Variants in IRAG1 observed in about 807,000 individuals in gnomAD.
IRAG1 encodes the protein IP3R-associated cGMP kinase substrate.
IRAG1 carries 62 observed loss-of-function variants against 106.2 expected under a neutral mutation model. That is an observed-to-expected ratio of 0.58 (90% confidence interval 0.48 to 0.72). IRAG1 has a LOEUF of 0.72. IRAG1 is among the 30% of genes least tolerant of loss of function. IRAG1 has a pLI of 0.00. For missense variants in IRAG1, 1,064 were observed against 1,140.7 expected (o/e 0.93, Z 0.97); for synonymous variants, 462 against 443.9 (o/e 1.04, Z -0.51).
rs577999478 is a variant in IRAG1 at position 10,665,527 on chromosome 11, C to T, written c.68-13345G>A. ...TTCAAACATCATTACTTCCTGGGGG[C>T]GACCACTCCACCTACCTATCCCTCA... is the stretch of plus-strand genomic sequence containing the variant. On this transcript the variant is annotated intron_variant, in intron 1 of 20. Transcript: ENST00000423302. The surrounding 1 kb of genome is among the most constrained non-coding windows in gnomAD (Gnocchi z 4.2). Among the ~76,000 whole-genome samples the T allele has an allele frequency of 4.6e-5, 7 of 152,186 alleles. No individual in the cohort carries two copies. Among genetic ancestry groups the T allele is most frequent in the Admixed American group, 1.3e-4 (2 of 15,282 alleles).
At chr11:10,639,649 C>T (rs1857378322) in intron 2 of IRAG1, among the ~76,000 whole-genome samples, 1 of 152,256 alleles carries the variant, frequency 6.6e-6, no homozygotes, top group Admixed American at 6.5e-5. Context: ...TGACTCTTCC[C>T]CTGCTTGCCT....
intron 4 of IRAG1, 23 bp downstream of exon 4, chr11:10,631,968 C>T (rs763898456): frequency 6.2e-7 from 1 of 1,608,202 alleles, no homozygotes; most frequent in Non-Finnish European, 8.5e-7. Context: ...ACTCAACATG[C>T]CTTAGATTGC....
Position 10,593,585 on chromosome 11 carries a change from C to T in IRAG1, c.2082G>A (p.Arg694=). The change falls in exon 17 of 21, where the codon CGG becomes CGA. Residue 694 remains arginine, a synonymous_variant. Coordinates refer to ENST00000423302, the MANE Select transcript of IRAG1 (RefSeq NM_130385.4). ...SLTLGKNMPR[R]RVSVAVVPKF... ...TAGGAACCACAGCAACGCTGACCCT[C>T]CGGCGAGGCATATTCTGCAGGAAGA... 3 of 1,613,718 alleles carry T rather than the reference C, an allele frequency of 1.9e-6. No individual in the cohort carries two copies. The highest frequency in any genetic ancestry group is 2.5e-6 in the Non-Finnish European group (3 of 1,179,674).
chr11:10,599,533 G>A (rs1053351351), intron 15 of IRAG1, among the ~76,000 whole-genome samples: 3 of 152,164 alleles, frequency 2.0e-5, no homozygotes, highest in African/African-American at 7.2e-5. Context: ...TGACAGTCTG[G>A]AGCATGTGTG....
At position 10,592,881 on chromosome 11, in the gene IRAG1, T is replaced by C. The variant is rs1852835480; in HGVS notation, c.2175+611A>G. Reference sequence around the variant, plus strand: ...CACAGAAACACACTCTTTTAAAAAGTACAAAACAGAATTATACTGTTTATA... The same window carrying C: ...CACAGAAACACACTCTTTTAAAAAGCACAAAACAGAATTATACTGTTTATA... On this transcript the variant is annotated intron_variant, in intron 17 of 20. Transcript: ENST00000423302. 2.0e-5 allele frequency among the ~76,000 whole-genome samples: 3 copies of C among 152,198 alleles called. No individual in the cohort carries two copies. In the South Asian group the frequency reaches 6.2e-4, roughly 32 times the overall value.
At position 10,637,203 on chromosome 11, in the gene IRAG1, A is replaced by G. The variant is rs187319837; in HGVS notation, c.226-3132T>C. Among the ~76,000 whole-genome samples, 292 of 152,278 alleles carry G rather than the reference A, an allele frequency of 1.9e-3. 1 individual carries two copies. Among genetic ancestry groups the G allele is most frequent in the African/African-American group, 6.8e-3 (282 of 41,560 alleles). On this transcript the variant is annotated intron_variant, in intron 2 of 20. Transcript: ENST00000423302. Reference sequence around the variant, plus strand: ...TAGAACATCTATCATCCCCTATAGGAATTCTGAGGAGCTCCCTGGTAAATA... The same window carrying G: ...TAGAACATCTATCATCCCCTATAGGGATTCTGAGGAGCTCCCTGGTAAATA...
At chr11:10,634,115 G>T (rs762623358) in intron 2 of IRAG1, 44 bp from the exon 3 acceptor site, 2 of 1,169,432 alleles carry the variant, frequency 1.7e-6, no homozygotes, top group Admixed American at 4.1e-5. Flanking sequence ...TTGGGCTGGT[G>T]GGACTTCCAG....
At chr11:10,680,384 G>GAAAGAAAGAAAGAAA (rs1861101811) in intron 1 of IRAG1, among the ~76,000 whole-genome samples, 1 of 59,536 alleles carries the variant, frequency 1.7e-5, no homozygotes, top group Non-Finnish European at 3.0e-5. Context: ...AAGGAAGGAA[G>GAAAGAAAGAAAGAAA]GAAGGAAGGA....
chr11:10,603,048 G>A lies in IRAG1; in HGVS notation c.1875+72C>T, dbSNP rs534337748. On this transcript the variant is annotated intron_variant, in intron 14 of 20. Transcript: ENST00000423302. ...CCTCTAAGTGGTATCTGTAGTTGCC[G>A]CTGCTTGGGTGATTGCTCTACTTTA... is the stretch of plus-strand genomic sequence containing the variant. 241 of 1,517,374 alleles carry A rather than the reference G, an allele frequency of 1.6e-4. 2 individuals are homozygous for A. The South Asian group carries it at 2.5e-3, about 16-fold the overall frequency. 94.0% of individuals were successfully genotyped at this position (1,517,374 alleles called of 1,614,324 possible).
At chr11:10,621,577 G>A (rs960457572) in intron 10 of IRAG1, among the ~76,000 whole-genome samples, 2 of 152,142 alleles carry the variant, frequency 1.3e-5, no homozygotes, top group Admixed American at 6.5e-5. Context: ...CTGAAATGTT[G>A]TGCAGCTTAA....
intron 1 of IRAG1, among the ~76,000 whole-genome samples, chr11:10,692,411 C>T (rs967280164): frequency 7.9e-5 from 12 of 152,140 alleles, no homozygotes; most frequent in Non-Finnish European, 1.5e-4. Context: ...CTTGGTGGAA[C>T]GACCTTAGGC....
intron 18 of IRAG1, among the ~76,000 whole-genome samples, chr11:10,591,127 A>G (rs1365893916): frequency 6.6e-6 from 1 of 152,162 alleles, no homozygotes; most frequent in African/African-American, 2.4e-5. Flanking sequence ...CATTTGCCAC[A>G]ATCCTGATGA....
intron 2 of IRAG1, among the ~76,000 whole-genome samples, chr11:10,636,192 C>T (rs1863244): frequency 0.67 from 102,059 of 152,122 alleles, 34,697 homozygotes; most frequent in East Asian, 0.98. Context: ...GCATGATTGA[C>T]ATTTTTATTT....
At chr11:10,633,611 C>T (rs142031527) in intron 3 of IRAG1, among the ~76,000 whole-genome samples, 24 of 152,260 alleles carry the variant, frequency 1.6e-4, no homozygotes, top group East Asian at 5.8e-4. Flanking sequence ...AACTCTCCTG[C>T]GGTGATTTAT....
intron 2 of IRAG1, among the ~76,000 whole-genome samples, chr11:10,640,169 C>T (rs911617705): frequency 1.3e-5 from 2 of 152,172 alleles, no homozygotes; most frequent in African/African-American, 4.8e-5. Flanking sequence ...GCTTTCTCTG[C>T]TTGCTGGCTA....
chr11:10,576,240 A>T lies in IRAG1; in HGVS notation c.*92T>A. ...CTCATGACCTGATGGGATGGGCGGC[A>T]GTGTGTCCACACTTGGGCCTGACGT... On this transcript the variant is annotated 3_prime_UTR_variant, in exon 21 of 21. Coordinates refer to ENST00000423302, the MANE Select transcript of IRAG1 (RefSeq NM_130385.4). 1 of 1,533,750 alleles carries T rather than the reference A, an allele frequency of 6.5e-7. No homozygotes were observed. Among genetic ancestry groups the T allele is most frequent in the Non-Finnish European group, 8.9e-7 (1 of 1,125,516 alleles).
chr11:10,594,252 C>T (rs1564896694), intron 15 of IRAG1, 57 bp from the exon 16 acceptor site: 2 of 1,523,974 alleles, frequency 1.3e-6, no homozygotes, highest in African/African-American at 1.4e-5. Flanking sequence ...TAGGCACCAG[C>T]AGGAAACAGA....
intron 18 of IRAG1, among the ~76,000 whole-genome samples, chr11:10,587,868 G>A (rs1852195440): frequency 6.6e-6 from 1 of 152,156 alleles, no homozygotes; most frequent in Non-Finnish European, 1.5e-5. Flanking sequence ...TCTATTAAAA[G>A]GGTAAGGGCA....
chr11:10,670,724 C>T (rs1019750106), intron 1 of IRAG1, among the ~76,000 whole-genome samples: 1 of 151,978 alleles, frequency 6.6e-6, no homozygotes, highest in African/African-American at 2.4e-5. Flanking sequence ...TAGAATAGAC[C>T]CTAATCCAAT....
Sources: allele counts gnomAD v4.1 joint callset (sites outside exome capture counted in the v4.1 genomes callset), GRCh38; gene constraint gnomAD v4.1.1; non-coding constraint Gnocchi (gnomAD v3.1); transcripts MANE v1.5; gene names NCBI Gene and HGNC (gene_info 2026-07-23, HGNC 2026-07-21).